Variants in CFDP1 observed in about 807,000 individuals in gnomAD.
The protein encoded by CFDP1 is chromatin remodeling protein CFDP1.
A neutral mutation model predicts 40.1 loss-of-function variants in CFDP1; 31 were observed. That is an observed-to-expected ratio of 0.77 (90% CI 0.58 to 1.04). The LOEUF is 1.04. Among genes scored for constraint, CFDP1 ranks in the 50% least tolerant of loss-of-function variants. The probability of loss-of-function intolerance (pLI) is 0.00; values close to 1 mark genes in which losing one functional copy is unlikely to be tolerated. For missense variants in CFDP1, 423 were observed against 343.4 expected (o/e 1.23, Z -1.83); for synonymous variants, 167 against 120.0 (o/e 1.39, Z -2.56).
chr16:75,360,399 A>G lies in CFDP1; in HGVS notation c.650+34691T>C, dbSNP rs139972218. On this transcript the variant is annotated intron_variant, in intron 5 of 6. Transcript: ENST00000283882. ...CAAAGACAATGCCATTAGCCAATCTATGACAATCTGAGCTTCAAAAAGAAA... is the reference window on the plus strand; with the variant it reads ...CAAAGACAATGCCATTAGCCAATCTGTGACAATCTGAGCTTCAAAAAGAAA... Among the ~76,000 whole-genome samples the G allele has an allele frequency of 7.9e-4, 121 of 152,374 alleles. 4 individuals are homozygous for G. In the East Asian group the frequency reaches 0.021, roughly 27 times the overall value.
intron 5 of CFDP1, chr16:75,306,376 C>G (rs915228642): frequency 2.0e-5 from 3 of 152,266 alleles, no homozygotes; most frequent in Non-Finnish European, 4.4e-5. Context: ...GCAGCGTGAA[C>G]GACTACTCAC....
intron 5 of CFDP1, chr16:75,381,198 C>A (rs11149817): frequency 0.21 from 31,185 of 152,026 alleles, 3,422 homozygotes; most frequent in African/African-American, 0.27. Context: ...GAGCAATGGC[C>A]CATACCTGTA....
At chr16:75,298,592 C>T (rs1232507644) in intron 6 of CFDP1, among the ~76,000 whole-genome samples, 1 of 152,198 alleles carries the variant, frequency 6.6e-6, no homozygotes, top group Admixed American at 6.5e-5. Flanking sequence ...GCATGGGCTA[C>T]GGCAGCACTC....
At chr16:75,377,224 C>T (rs865924152) in intron 5 of CFDP1, among the ~76,000 whole-genome samples, 4 of 152,236 alleles carry the variant, frequency 2.6e-5, no homozygotes, top group African/African-American at 9.6e-5. Context: ...GAACCTACCT[C>T]CTGCCATAAA....
chr16:75,433,068 C>T (rs1019434316), intron 1 of CFDP1, among the ~76,000 whole-genome samples: 3 of 152,210 alleles, frequency 2.0e-5, no homozygotes, highest in South Asian at 2.1e-4. Flanking sequence ...GAGGGGGCGG[C>T]GGCCGGAGCT....
chr16:75,358,590 T>G (rs1210831356), intron 5 of CFDP1, among the ~76,000 whole-genome samples: 1 of 152,160 alleles, frequency 6.6e-6, no homozygotes, highest in Non-Finnish European at 1.5e-5. Flanking sequence ...AGAGCATTTG[T>G]ACAACCAAAT....
intron 5 of CFDP1, among the ~76,000 whole-genome samples, chr16:75,358,557 G>C (rs2078661147): frequency 6.6e-6 from 1 of 151,998 alleles, no homozygotes; most frequent in South Asian, 2.1e-4. Context: ...AAGCACTTCT[G>C]CCAAGAGTGG....
Position 75,387,698 on chromosome 16 carries a change from T to A in CFDP1, c.650+7392A>T, listed in dbSNP as rs77887999. ...TAAGTTGTCCACAATGTAGGATTCATACCTCAGTAGGAAATGATTACCCTC... is the reference window on the plus strand; with the variant it reads ...TAAGTTGTCCACAATGTAGGATTCAAACCTCAGTAGGAAATGATTACCCTC... On this transcript the variant is annotated intron_variant, in intron 5 of 6. Transcript: ENST00000283882. Among the ~76,000 whole-genome samples the A allele has an allele frequency of 9.1e-3, 1,392 of 152,320 alleles. 21 individuals are homozygous for A. The highest frequency in any genetic ancestry group is 0.032 in the African/African-American group (1,337 of 41,566).
chr16:75,299,551 C>T (rs1048172025), intron 6 of CFDP1, among the ~76,000 whole-genome samples: 1 of 151,280 alleles, frequency 6.6e-6, no homozygotes, highest in East Asian at 1.9e-4. Context: ...GCTGAGATCG[C>T]GCCACTGCAC....
At chr16:75,328,971 C>T (rs899808387) in intron 5 of CFDP1, among the ~76,000 whole-genome samples, 13 of 151,874 alleles carry the variant, frequency 8.6e-5, no homozygotes, top group African/African-American at 1.9e-4. Context: ...CTCGGCCTCC[C>T]GAGCAGCTGG....
chr16:75,425,092 TAC>T (rs1457952769), intron 1 of CFDP1, among the ~76,000 whole-genome samples: 4 of 152,046 alleles, frequency 2.6e-5, no homozygotes, highest in East Asian at 1.9e-4. Flanking sequence ...AAAAAAAAGA[TAC>T]AGACTGTATT....
intron 1 of CFDP1, among the ~76,000 whole-genome samples, chr16:75,429,413 G>A (rs1470338688): frequency 6.6e-6 from 1 of 152,178 alleles, no homozygotes; most frequent in Non-Finnish European, 1.5e-5. Flanking sequence ...CAGCAGTTTG[G>A]GAGGCTGAGG....
intron 1 of CFDP1, among the ~76,000 whole-genome samples, chr16:75,415,725 T>TA (rs1297271631): frequency 2.0e-5 from 3 of 152,346 alleles, no homozygotes; most frequent in African/African-American, 7.2e-5. Flanking sequence ...TCCTGAACAG[T>TA]AAATAGTGTG....
At chr16:75,308,861 G>A (rs1452009662) in intron 5 of CFDP1, among the ~76,000 whole-genome samples, 2 of 152,130 alleles carry the variant, frequency 1.3e-5, no homozygotes, top group Non-Finnish European at 2.9e-5. Context: ...GCACAGCAGT[G>A]AGGTTTCCAG....
At chr16:75,401,179 A>G (rs1372801037) in intron 4 of CFDP1, among the ~76,000 whole-genome samples, 1 of 152,156 alleles carries the variant, frequency 6.6e-6, no homozygotes, top group Non-Finnish European at 1.5e-5. Context: ...ATGTAATCCC[A>G]GCACTTTGGG....
chr16:75,419,690 A>G (rs2079254595), intron 1 of CFDP1, among the ~76,000 whole-genome samples: 1 of 152,188 alleles, frequency 6.6e-6, no homozygotes, highest in Non-Finnish European at 1.5e-5. Flanking sequence ...CTTGCTGATA[A>G]AACAGTCTGC....
intron 5 of CFDP1, among the ~76,000 whole-genome samples, chr16:75,326,193 T>C (rs1386064271): frequency 6.6e-6 from 1 of 152,200 alleles, no homozygotes; most frequent in African/African-American, 2.4e-5. Flanking sequence ...GACTTTTGTG[T>C]GCCAAATGAG....
intron 5 of CFDP1, among the ~76,000 whole-genome samples, chr16:75,342,228 C>T (rs1567651089): frequency 1.3e-5 from 2 of 152,156 alleles, no homozygotes; most frequent in African/African-American, 4.8e-5. Context: ...GTAGAGAACA[C>T]TGGTGCTTTT....
At position 75,401,899 on chromosome 16, in the gene CFDP1, C is replaced by T. The variant is rs12051159; in HGVS notation, c.531-6690G>A. Among the ~76,000 whole-genome samples, 156 of 152,204 alleles carry T rather than the reference C, an allele frequency of 1.0e-3. 2 individuals carry two copies. In the East Asian group the frequency reaches 0.017, roughly 16 times the overall value. On this transcript the variant is annotated intron_variant, in intron 4 of 6. Coordinates refer to ENST00000283882, the MANE Select transcript of CFDP1 (RefSeq NM_006324.3). ...TGCTCTTAAGGAGCTCACAGTTCAGCAGAACAGCCAACCATGAAAGCAAGT... is the reference window on the plus strand; with the variant it reads ...TGCTCTTAAGGAGCTCACAGTTCAGTAGAACAGCCAACCATGAAAGCAAGT...
Sources: allele counts gnomAD v4.1 joint callset (sites outside exome capture counted in the v4.1 genomes callset), GRCh38; gene constraint gnomAD v4.1.1; transcripts MANE v1.5; gene names NCBI Gene and HGNC (gene_info 2026-07-23, HGNC 2026-07-21).